The following SLAIN1 variants were observed in gnomAD, a reference collection of about 807,000 sequenced individuals.
SLAIN1 encodes SLAIN family member 1.
A neutral mutation model predicts 55.4 loss-of-function variants in SLAIN1; 17 were observed. That is an observed-to-expected ratio of 0.31 (90% CI 0.21 to 0.46). SLAIN1 has a LOEUF of 0.46. Ranked by LOEUF, SLAIN1 falls within the 20% of genes least tolerant of loss-of-function variation. The pLI is 1.00. For synonymous variants in SLAIN1, 348 were observed against 337.4 expected (o/e 1.03, Z -0.35); for missense variants, 682 against 785.1 (o/e 0.87, Z 1.57).
intron 2 of SLAIN1, among the ~76,000 whole-genome samples, chr13:77,725,013 C>G (rs906448955): frequency 6.6e-6 from 1 of 152,092 alleles, no homozygotes; most frequent in Non-Finnish European, 1.5e-5. Flanking sequence ...CACCAGTTCT[C>G]TAATTCCTAG....
At chr13:77,721,705 T>G (rs994510295) in intron 2 of SLAIN1, among the ~76,000 whole-genome samples, 3 of 151,914 alleles carry the variant, frequency 2.0e-5, no homozygotes, top group Non-Finnish European at 4.4e-5. Flanking sequence ...AATGCAGAAA[T>G]TAATGAATGA....
chr13:77,752,843 G>A (rs1307112002), intron 4 of SLAIN1, among the ~76,000 whole-genome samples: 1 of 152,158 alleles, frequency 6.6e-6, no homozygotes, highest in African/African-American at 2.4e-5. Context: ...AGCCATGCTG[G>A]CAGCTGATTA....
At position 77,756,193 on chromosome 13, in the gene SLAIN1, A is replaced by C. The variant is rs1049356140; in HGVS notation, c.1414+2835A>C. Among the ~76,000 whole-genome samples, 13 of 152,130 alleles carry C rather than the reference A, an allele frequency of 8.5e-5. No individual in the cohort carries two copies. In the East Asian group the frequency reaches 2.5e-3, roughly 29 times the overall value. Reference sequence around the variant, plus strand: ...TTTTTTTTAAATCAAGGGTGGTTATATATGTTACATGTAGGAGAGATAGTA... The same window carrying C: ...TTTTTTTTAAATCAAGGGTGGTTATCTATGTTACATGTAGGAGAGATAGTA... On this transcript the variant is annotated intron_variant, in intron 5 of 6. Coordinates refer to ENST00000418532, the MANE Select transcript of SLAIN1 (RefSeq NM_001242868.2).
chr13:77,743,027 C>T (rs771441768), intron 2 of SLAIN1: 58 of 1,290,732 alleles, frequency 4.5e-5, no homozygotes, highest in Admixed American at 1.7e-4. Flanking sequence ...TAGCCGATGG[C>T]GGAGTCTCTT....
In SLAIN1 at chr13:77,707,450, TC is replaced by T. The variant is rs529386821; in HGVS notation, c.626+8912del. On this transcript the variant is annotated intron_variant, in intron 1 of 6. Coordinates refer to ENST00000418532, the MANE Select transcript of SLAIN1 (RefSeq NM_001242868.2). ...TCATCTGTTCCCTGCATTGTTTTTC[TC>T]TTTGGTTCTCTTTACTCCCTCTACT... Among the ~76,000 whole-genome samples the T allele has an allele frequency of 6.6e-4, 100 of 152,330 alleles. 1 individual carries two copies. The highest frequency in any genetic ancestry group is 1.0e-3 in the Non-Finnish European group (68 of 68,040).
chr13:77,738,751 G>C (rs967540971), intron 2 of SLAIN1, among the ~76,000 whole-genome samples: 9 of 152,048 alleles, frequency 5.9e-5, no homozygotes, highest in Non-Finnish European at 2.9e-5. Flanking sequence ...GAACTCACTA[G>C]AAAGAGTGAG....
At chr13:77,726,601 G>T (rs1041368079) in intron 2 of SLAIN1, among the ~76,000 whole-genome samples, 3 of 152,010 alleles carry the variant, frequency 2.0e-5, no homozygotes, top group Non-Finnish European at 4.4e-5. Context: ...CAAATTTTTT[G>T]CAGGGTCAGG....
At chr13:77,738,190 A>C (rs184780164) in intron 2 of SLAIN1, among the ~76,000 whole-genome samples, 2 of 150,336 alleles carry the variant, frequency 1.3e-5, no homozygotes, top group East Asian at 3.9e-4. Flanking sequence ...AGCACTACAC[A>C]CACACCCACA....
chr13:77,751,454 A>G (rs1472692088), intron 4 of SLAIN1, among the ~76,000 whole-genome samples: 3 of 152,314 alleles, frequency 2.0e-5, no homozygotes, highest in East Asian at 1.9e-4. Context: ...TATAAACTCA[A>G]TGAGACTCTG....
intron 1 of SLAIN1, among the ~76,000 whole-genome samples, chr13:77,711,136 C>A (rs2091145920): frequency 6.6e-6 from 1 of 152,036 alleles, no homozygotes; most frequent in African/African-American, 2.4e-5. Flanking sequence ...CAGGAAAGAT[C>A]TCAGATCAAC....
At chr13:77,736,856 A>G (rs533040479) in intron 2 of SLAIN1, among the ~76,000 whole-genome samples, 1 of 150,472 alleles carries the variant, frequency 6.6e-6, no homozygotes, top group African/African-American at 2.4e-5. Context: ...TCCCCAAATT[A>G]TCTTTCTCAG....
chr13:77,721,232 C>G (rs1012403261), intron 2 of SLAIN1, among the ~76,000 whole-genome samples: 3 of 152,150 alleles, frequency 2.0e-5, no homozygotes, highest in Non-Finnish European at 4.4e-5. Context: ...TTCACTTTCT[C>G]TCTCTCCTGC....
intron 5 of SLAIN1, among the ~76,000 whole-genome samples, chr13:77,755,422 C>T (rs1367989387): frequency 6.6e-6 from 1 of 152,176 alleles, no homozygotes; most frequent in Admixed American, 6.5e-5. Context: ...TTTGTTGACT[C>T]CAACTCAATG....
Position 77,752,288 on chromosome 13 carries a change from C to CTTTTTT in SLAIN1, c.1259-902_1259-897dup, listed in dbSNP as rs79381085. 3.6e-4 allele frequency among the ~76,000 whole-genome samples: 34 copies of CTTTTTT among 94,220 alleles called. 3 individuals are homozygous for CTTTTTT. Among genetic ancestry groups the CTTTTTT allele is most frequent in the South Asian group, 2.4e-3 (7 of 2,946 alleles). 61.8% of individuals were successfully genotyped at this position (94,220 alleles called of 152,430 possible). On this transcript the variant is annotated intron_variant, in intron 4 of 6. Transcript: ENST00000418532. ...TGTTGGTTTTGATTCTTCTAGGGTTCTTTTTTTTTTTTTTTTTTAAGAAGC... is the reference window on the plus strand; with the variant it reads ...TGTTGGTTTTGATTCTTCTAGGGTTCTTTTTTTTTTTTTTTTTTTTTTTTAAGAAGC...
In SLAIN1 at chr13:77,700,356, A is replaced by G. The variant is rs368982186; in HGVS notation, c.626+1817A>G. On this transcript the variant is annotated intron_variant, in intron 1 of 6. Transcript: ENST00000418532. ...GAAGCAGGTTCTATTTCATTCAACAAGTACACAGGTGAATAAATCAAAGCC... is the reference window on the plus strand; with the variant it reads ...GAAGCAGGTTCTATTTCATTCAACAGGTACACAGGTGAATAAATCAAAGCC... Among the ~76,000 whole-genome samples, 5 of 152,336 alleles carry G rather than the reference A, an allele frequency of 3.3e-5. No homozygotes were observed. In the East Asian group the frequency reaches 9.6e-4, roughly 29 times the overall value.
chr13:77,727,202 G>T (rs2091315002), intron 2 of SLAIN1, among the ~76,000 whole-genome samples: 2 of 152,100 alleles, frequency 1.3e-5, no homozygotes. Flanking sequence ...TTTGAAGATG[G>T]TCCTAACGAT....
At chr13:77,754,255 C>T (rs1267111223) in intron 5 of SLAIN1, among the ~76,000 whole-genome samples, 1 of 152,196 alleles carries the variant, frequency 6.6e-6, no homozygotes, top group African/African-American at 2.4e-5. Context: ...CAGGTTGTAT[C>T]TCCCTAACAT....
At chr13:77,757,894 G>A (rs940368120) in intron 5 of SLAIN1, among the ~76,000 whole-genome samples, 39 of 152,184 alleles carry the variant, frequency 2.6e-4, no homozygotes, top group African/African-American at 6.5e-4. Context: ...ATAAACATGC[G>A]TATGAATGTG....
At chr13:77,722,905 C>A (rs901505673) in intron 2 of SLAIN1, among the ~76,000 whole-genome samples, 3 of 152,060 alleles carry the variant, frequency 2.0e-5, no homozygotes, top group African/African-American at 4.8e-5. Flanking sequence ...CGCAACCACG[C>A]CTGGCTAATT....
Sources: gnomAD v4.1 joint callset for allele counts (sites outside exome capture counted in the v4.1 genomes callset) on GRCh38, gnomAD v4.1.1 for gene constraint, MANE v1.5 for transcripts, NCBI Gene and HGNC (gene_info 2026-07-23, HGNC 2026-07-21) for gene names.